MICAL3: variants seen among roughly 807,000 people sequenced by gnomAD.
MICAL3 encodes the protein [F-actin]-monooxygenase MICAL3.
MICAL3 carries 62 observed loss-of-function variants against 207.4 expected under a neutral mutation model. That is an observed-to-expected ratio of 0.30 (90% CI 0.24 to 0.37). The LOEUF is 0.37. Ranked by LOEUF, MICAL3 falls within the 10% of genes least tolerant of loss-of-function variation. The pLI, the probability that MICAL3 is intolerant of heterozygous loss-of-function variation, is 1.00. For missense variants in MICAL3, 2,368 were observed against 2,635.6 expected (o/e 0.90, Z 2.22); for synonymous variants, 1,077 against 1,069.3 (o/e 1.01, Z -0.14).
rs1931753765 is a variant in MICAL3 at position 17,906,807 on chromosome 22, C to T, written c.6G>A (p.Glu2=). 1 of 1,600,642 alleles carries T rather than the reference C, an allele frequency of 6.2e-7. No individual in the cohort carries two copies. Among genetic ancestry groups the T allele is most frequent in the Non-Finnish European group, 8.5e-7 (1 of 1,171,782 alleles). Residue 2 remains glutamate (E), a synonymous_variant, in exon 2 of 32, where the codon GAG becomes GAA. Coordinates refer to ENST00000441493, the MANE Select transcript of MICAL3 (RefSeq NM_015241.3). ...GGTTCATGGTCTCATGCTTCCTCTC[C>T]TCCATGCTGCCTCACTCTCAGCACT... The part of the protein sequence containing the change: M[E]ERKHETMNPA...
chr22:17,889,293 T>C, intron 12 of MICAL3, 63 bp from the exon 13 acceptor site: 6 of 1,192,102 alleles, frequency 5.0e-6, no homozygotes, highest in Non-Finnish European at 7.3e-6. Context: ...AGAAACGCAG[T>C]ATCCTGGAGT....
chr22:17,797,132 C>T (rs898193092), intron 29 of MICAL3, among the ~76,000 whole-genome samples: 9 of 152,150 alleles, frequency 5.9e-5, no homozygotes, highest in East Asian at 3.9e-4. Flanking sequence ...TTCTGGTACT[C>T]GAAATCCAAG....
intron 16 of MICAL3, chr22:17,884,248 C>T: frequency 6.5e-7 from 1 of 1,540,980 alleles, no homozygotes; most frequent in Non-Finnish European, 8.9e-7. Context: ...GAGACAGCAC[C>T]CATCCTGGCC....
chr22:17,872,510 T>C (rs150487962), intron 16 of MICAL3, among the ~76,000 whole-genome samples: 1 of 152,186 alleles, frequency 6.6e-6, no homozygotes, highest in Non-Finnish European at 1.5e-5. Context: ...GTTCTGAGGG[T>C]AGCTGTATCT....
At chr22:17,975,351 TG>T (rs754136396) in intron 1 of MICAL3, among the ~76,000 whole-genome samples, 8 of 151,960 alleles carry the variant, frequency 5.3e-5, no homozygotes, top group Non-Finnish European at 1.0e-4. Flanking sequence ...TGACAGTGAA[TG>T]AAAAGCCCGC....
At chr22:17,801,028 T>A (rs2061931717) in intron 29 of MICAL3, among the ~76,000 whole-genome samples, 1 of 152,148 alleles carries the variant, frequency 6.6e-6, no homozygotes, top group Non-Finnish European at 1.5e-5. Flanking sequence ...GTCTTGAATT[T>A]ACGCAGCATA....
Position 17,904,755 on chromosome 22 carries a change from T to A in MICAL3, c.349A>T (p.Lys117Ter), listed in dbSNP as rs1931594365. ...TTGTTGCGGGAGAAGGCATCTCGTT[T>A]CTCAATAACAACCACCTTGGCCCCC... ...LLGAKVVVIEKRDAFSRNNVL... is the reference protein window; with the variant it reads ...LLGAKVVVIE The change falls in exon 3 of 32, where the codon AAA (lysine) becomes TAA (stop). Residue 117 changes from lysine (K) to a stop codon, truncating the protein, a stop_gained. Coordinates refer to ENST00000441493, the MANE Select transcript of MICAL3 (RefSeq NM_015241.3). LOFTEE classifies it high-confidence loss of function. 1 of 1,613,804 alleles carries A rather than the reference T, an allele frequency of 6.2e-7. No homozygotes were observed. The highest frequency in any genetic ancestry group is 1.3e-5 in the African/African-American group (1 of 74,914).
At chr22:17,850,635 C>A (rs372486082) in intron 19 of MICAL3, among the ~76,000 whole-genome samples, 2 of 152,018 alleles carry the variant, frequency 1.3e-5, no homozygotes, top group South Asian at 4.1e-4. Context: ...TGGTCTCGAT[C>A]TCCTGACCTC....
At chr22:18,011,984 T>C (rs1049859641) in intron 1 of MICAL3, among the ~76,000 whole-genome samples, 5 of 151,906 alleles carry the variant, frequency 3.3e-5, no homozygotes, top group Admixed American at 2.6e-4. Context: ...CCTGTAATCC[T>C]AGCACTTTGA....
In MICAL3 at chr22:17,841,025, C is replaced by T. The variant is rs1308440848; in HGVS notation, c.2801+797G>A. On this transcript the variant is annotated intron_variant, in intron 20 of 31. Transcript: ENST00000441493. The surrounding 1 kb of genome is among the most constrained non-coding windows in gnomAD (Gnocchi z 4.2). ...GACCTTAAAAAAACTGCTCTGCTCT[C>T]CTTATCCCCACATGTTCCCTTCATC... 6.6e-6 allele frequency: 1 copy of T among 152,248 alleles called. No homozygotes were observed. The highest frequency in any genetic ancestry group is 6.5e-5 in the Admixed American group (1 of 15,294). 9.4% of individuals were successfully genotyped at this position (152,248 alleles called of 1,614,324 possible).
chr22:17,957,082 A>C (rs1386266116), intron 1 of MICAL3, among the ~76,000 whole-genome samples: 1 of 152,186 alleles, frequency 6.6e-6, no homozygotes, highest in African/African-American at 2.4e-5. Flanking sequence ...TTCTACCCAG[A>C]AAGAAAAGAA....
At chr22:17,821,189 C>T (rs984084788) in intron 25 of MICAL3, among the ~76,000 whole-genome samples, 4 of 152,050 alleles carry the variant, frequency 2.6e-5, no homozygotes, top group African/African-American at 7.2e-5. Flanking sequence ...GCCACCCAGA[C>T]GGCCTCATCC....
chr22:17,902,825 A>G lies in MICAL3; in HGVS notation c.473-78T>C, dbSNP rs1602184903. The stretch of plus-strand genomic sequence containing the variant: ...CATCCGTGTCGCAGCTCAGGCTCCC[A>G]CCCCGCCACCTACGCCCCCTTCATT... On this transcript the variant is annotated intron_variant, in intron 3 of 31. Coordinates refer to ENST00000441493, the MANE Select transcript of MICAL3 (RefSeq NM_015241.3). The surrounding 1 kb of genome is among the most constrained non-coding windows in gnomAD (Gnocchi z 4.5). 7 of 835,206 alleles carry G rather than the reference A, an allele frequency of 8.4e-6. No homozygotes were observed. The allele number at this position is 835,206 out of a possible 1,614,324, so 51.7% of individuals were successfully genotyped here. A position where few individuals can be genotyped will look rare whatever the true frequency, so the allele number is the denominator to read the frequency against.
chr22:17,957,482 G>T (rs1213732433), intron 1 of MICAL3, among the ~76,000 whole-genome samples: 2 of 152,120 alleles, frequency 1.3e-5, no homozygotes, highest in African/African-American at 4.8e-5. Flanking sequence ...ACTTTGGGAG[G>T]GAGGATCACT....
At chr22:17,859,073 G>T (rs965644879) in intron 19 of MICAL3, among the ~76,000 whole-genome samples, 12 of 152,202 alleles carry the variant, frequency 7.9e-5, no homozygotes, top group African/African-American at 2.9e-4. Flanking sequence ...GCTGAGGGGA[G>T]GAAGGACATG....
At chr22:17,920,570 C>T (rs1296158909) in intron 1 of MICAL3, among the ~76,000 whole-genome samples, 1 of 152,218 alleles carries the variant, frequency 6.6e-6, no homozygotes, top group Non-Finnish European at 1.5e-5. Flanking sequence ...GCCCACTCTC[C>T]ACACCGGCCT....
At chr22:17,965,811 AAG>A (rs1935118741) in intron 1 of MICAL3, among the ~76,000 whole-genome samples, 1 of 152,218 alleles carries the variant, frequency 6.6e-6, no homozygotes, top group South Asian at 2.1e-4. Flanking sequence ...AAATAGAATT[AAG>A]AAAGGTCAGA....
At chr22:17,800,481 A>G (rs5992105) in intron 29 of MICAL3, among the ~76,000 whole-genome samples, 28,266 of 152,112 alleles carry the variant, frequency 0.19, 5,090 homozygotes, top group African/African-American at 0.47. Context: ...GAAATCACAA[A>G]GTCCAGCTAT....
In MICAL3 at chr22:17,901,977, T is replaced by A. The variant is rs749610691; in HGVS notation, c.592A>T (p.Ile198Leu). Residue 198 changes from isoleucine (I) to leucine (L), a missense_variant and splice_region_variant, in exon 5 of 32, where the codon ATA becomes TTA. Ile to Leu is a conservative substitution (Grantham distance 5). Coordinates refer to ENST00000441493, the MANE Select transcript of MICAL3 (RefSeq NM_015241.3). ...QPPEDQENER[I>L]GWRALVHPKT... ...GGGTGCACCAGTGCCCGCCAGCCTA[T>A]CCCTGTGAACCAAAACCAAATAAAT... 1 of 1,612,114 alleles carries A rather than the reference T, an allele frequency of 6.2e-7. No homozygotes were observed. The highest frequency in any genetic ancestry group is 1.1e-5 in the South Asian group (1 of 90,726).
Sources: allele counts gnomAD v4.1 joint callset (sites outside exome capture counted in the v4.1 genomes callset), GRCh38; gene constraint gnomAD v4.1.1; non-coding constraint Gnocchi (gnomAD v3.1); transcripts MANE v1.5; gene names NCBI Gene and HGNC (gene_info 2026-07-23, HGNC 2026-07-21).